The following LAMC1 variants were observed in gnomAD, a reference collection of about 807,000 sequenced individuals.
LAMC1 encodes the protein laminin subunit gamma 1, also known as laminin subunit gamma-1.
Under a neutral mutation model 173.6 loss-of-function variants are expected in LAMC1, and 38 were observed. That is an observed-to-expected ratio of 0.22 (90% CI 0.17 to 0.29). LAMC1 has a LOEUF of 0.29. Ranked by LOEUF, LAMC1 falls within the 10% of genes least tolerant of loss-of-function variation. The probability of loss-of-function intolerance (pLI) is 1.00; values close to 1 mark genes in which losing one functional copy is unlikely to be tolerated. For synonymous variants in LAMC1, 746 were observed against 749.1 expected, an observed-to-expected ratio of 1.00 and a Z score of 0.07; for missense variants, 1,824 against 2,051.8, an observed-to-expected ratio of 0.89 and a Z score of 2.14.
At chr1:183,096,470 C>A (rs758505910) in intron 1 of LAMC1, 5 of 152,158 alleles carry the variant, frequency 3.3e-5, no homozygotes, top group Admixed American at 3.3e-4. Context: ...TTGAGACTTT[C>A]CATATTCCAT....
chr1:183,122,060 T>C lies in LAMC1; in HGVS notation c.2213-3T>C. The C allele has an allele frequency of 6.2e-7, 1 of 1,612,106 alleles. No homozygotes were observed. The highest frequency in any genetic ancestry group is 8.5e-7 in the Non-Finnish European group (1 of 1,178,370). ...TGTTTTCTCACGCCTGCCTTCCAAA[T>C]AGGTGTTTGTAACTGCAGAGACAAT... On this transcript the variant is annotated splice_region_variant and splice_polypyrimidine_tract_variant and intron_variant, in intron 12 of 27. Coordinates refer to ENST00000258341, the MANE Select transcript of LAMC1 (RefSeq NM_002293.4).
At chr1:183,055,732 A>G (rs774606129) in intron 1 of LAMC1, among the ~76,000 whole-genome samples, 1 of 152,154 alleles carries the variant, frequency 6.6e-6, no homozygotes, top group East Asian at 1.9e-4. Flanking sequence ...TAATCGCTTG[A>G]ACCTGGGAGG....
chr1:183,041,460 CT>C (rs1389229736), intron 1 of LAMC1, among the ~76,000 whole-genome samples: 1 of 152,106 alleles, frequency 6.6e-6, no homozygotes, highest in Non-Finnish European at 1.5e-5. Context: ...GAGCACTTGC[CT>C]TTATGTCATT....
At chr1:183,105,175 A>G (rs1655939691) in intron 2 of LAMC1, among the ~76,000 whole-genome samples, 1 of 149,074 alleles carries the variant, frequency 6.7e-6, no homozygotes, top group South Asian at 2.2e-4. Context: ...CAGTGAGCAA[A>G]GATCATGCCA....
At chr1:183,133,210 C>T (rs1445059885) in intron 21 of LAMC1, among the ~76,000 whole-genome samples, 196 bp from the exon 22 acceptor site, 1 of 152,044 alleles carries the variant, frequency 6.6e-6, no homozygotes, top group Non-Finnish European at 1.5e-5. Context: ...TGTGCCCGGC[C>T]AAGCCATACA....
chr1:183,130,320 A>G, intron 18 of LAMC1, 24 bp from the exon 19 acceptor site: 4 of 1,586,796 alleles, frequency 2.5e-6, no homozygotes, highest in Non-Finnish European at 3.5e-6. Flanking sequence ...TAATTTACAG[A>G]CTTTCTTCTG....
intron 13 of LAMC1, 90 bp downstream of exon 13, chr1:183,122,341 G>A (rs747019624): frequency 8.3e-7 from 1 of 1,200,960 alleles, no homozygotes; most frequent in Non-Finnish European, 1.2e-6. Flanking sequence ...GGATCTTTGT[G>A]TTTGGTTCAG....
rs774517212 is a variant in LAMC1, at chr1:183,118,034, G to C, written c.1878G>C (p.Arg626Ser). 6 of 1,590,862 alleles carry C rather than the reference G, an allele frequency of 3.8e-6. No homozygotes were observed. The South Asian group carries it at 4.4e-5, about 12-fold the overall frequency. ...AATGTGGCCCTTTCTTTCTCTCCAG[G>C]CTCCATGAAGCAACAGATTACCCTT... ...PSETTVKYVF[R>S]LHEATDYPWR... Residue 626 changes from arginine to serine, a missense_variant and splice_region_variant, in exon 11 of 28, where the codon AGG becomes AGC. Arg to Ser is a moderately radical substitution (Grantham distance 110, BLOSUM62 -1). Coordinates refer to ENST00000258341, the MANE Select transcript of LAMC1 (RefSeq NM_002293.4).
intron 1 of LAMC1, among the ~76,000 whole-genome samples, chr1:183,075,255 G>C (rs1002789505): frequency 5.3e-5 from 8 of 151,506 alleles, no homozygotes; most frequent in African/African-American, 1.9e-4. Context: ...ACCCCAAGTA[G>C]CTGAGACTGC....
chr1:183,042,621 G>C (rs1389067033), intron 1 of LAMC1, among the ~76,000 whole-genome samples: 1 of 152,166 alleles, frequency 6.6e-6, no homozygotes, highest in Admixed American at 6.5e-5. Flanking sequence ...GTGGCTGGCA[G>C]TTGTAGGGAG....
chr1:183,054,281 T>C (rs1654523724), intron 1 of LAMC1, among the ~76,000 whole-genome samples: 1 of 152,174 alleles, frequency 6.6e-6, no homozygotes, highest in Non-Finnish European at 1.5e-5. Flanking sequence ...CTCTCCCAGT[T>C]TACGGAGGAG....
At chr1:183,120,736 A>G (rs1656448091) in intron 11 of LAMC1, among the ~76,000 whole-genome samples, 1 of 152,328 alleles carries the variant, frequency 6.6e-6, no homozygotes, top group Admixed American at 6.5e-5. Context: ...CTGATTTCTT[A>G]TAGAAATGGA....
chr1:183,081,653 A>C (rs1177005086), intron 1 of LAMC1, among the ~76,000 whole-genome samples: 8 of 152,288 alleles, frequency 5.3e-5, no homozygotes, highest in Non-Finnish European at 7.4e-5. Context: ...AAAAGTGCAG[A>C]AGTCCCACAT....
At chr1:183,074,395 G>A (rs1655078363) in intron 1 of LAMC1, among the ~76,000 whole-genome samples, 1 of 152,210 alleles carries the variant, frequency 6.6e-6, no homozygotes, top group East Asian at 1.9e-4. Context: ...TTACCGTACA[G>A]TGTGTGCACC....
chr1:183,082,819 CAA>C (rs941619057), intron 1 of LAMC1, among the ~76,000 whole-genome samples: 1 of 152,172 alleles, frequency 6.6e-6, no homozygotes, highest in Admixed American at 6.5e-5. Context: ...TGCTGGGAGT[CAA>C]AGTTAGAACT....
At position 183,142,797 on chromosome 1, in the gene LAMC1, T is replaced by C. The variant is rs764669967; in HGVS notation, c.*7T>C. 41 of 1,601,690 alleles carry C rather than the reference T, an allele frequency of 2.6e-5. No homozygotes were observed. Among genetic ancestry groups the C allele is most frequent in the South Asian group, 6.8e-5 (6 of 88,400 alleles). On this transcript the variant is annotated 3_prime_UTR_variant, in exon 28 of 28. Coordinates refer to ENST00000258341, the MANE Select transcript of LAMC1 (RefSeq NM_002293.4). Reference sequence around the variant, plus strand: ...GTCCATTGAAAAGCCCTAGTGTCTTTAGGGCTGGAAGGCAGCATCCCTCTG... The same window carrying C: ...GTCCATTGAAAAGCCCTAGTGTCTTCAGGGCTGGAAGGCAGCATCCCTCTG...
At chr1:183,028,005 A>G (rs961662383) in intron 1 of LAMC1, among the ~76,000 whole-genome samples, 5 of 152,198 alleles carry the variant, frequency 3.3e-5, no homozygotes, top group Non-Finnish European at 7.4e-5. Flanking sequence ...AATGGCCAGC[A>G]GTTGTTGAAC....
chr1:183,055,490 T>A (rs1276773256), intron 1 of LAMC1, among the ~76,000 whole-genome samples: 2 of 151,850 alleles, frequency 1.3e-5, no homozygotes, highest in African/African-American at 4.8e-5. Context: ...AAAAACCTAC[T>A]TTATAGGATT....
At chr1:183,138,173 A>C (rs1571467963) in intron 26 of LAMC1, 8 of 933,248 alleles carry the variant, frequency 8.6e-6, no homozygotes, top group African/African-American at 5.3e-5. Context: ...TTTTCTTCTT[A>C]TTCTTGTTCT....
Sources: gnomAD v4.1 joint callset for allele counts (sites outside exome capture counted in the v4.1 genomes callset) on GRCh38, gnomAD v4.1.1 for gene constraint, MANE v1.5 for transcripts, NCBI Gene and HGNC (gene_info 2026-07-23, HGNC 2026-07-21) for gene names.